The following ABCA13 variants were observed in gnomAD, a reference collection of about 807,000 sequenced individuals.
ABCA13 encodes the protein ATP-binding cassette sub-family A member 13.
ABCA13 carries 476 observed loss-of-function variants against 478.7 expected under a neutral mutation model. That is an observed-to-expected ratio of 0.99 (90% confidence interval 0.92 to 1.07). The LOEUF is 1.07. ABCA13 is among the 50% of genes least tolerant of loss of function. The pLI, the probability that ABCA13 is intolerant of heterozygous loss-of-function variation, is 0.00. For synonymous variants in ABCA13, 2,252 were observed against 2,158.9 expected (o/e 1.04, Z -1.20); for missense variants, 6,060 against 5,910.6 (o/e 1.03, Z -0.83).
chr7:48,521,856 T>C (rs1036472028), intron 53 of ABCA13, among the ~76,000 whole-genome samples: 7 of 152,202 alleles, frequency 4.6e-5, no homozygotes, highest in African/African-American at 1.7e-4. Context: ...ACTAGTTGCC[T>C]ACTACCATTT....
intron 48 of ABCA13, among the ~76,000 whole-genome samples, chr7:48,492,562 A>G (rs575828229): frequency 6.6e-6 from 1 of 152,270 alleles, no homozygotes; most frequent in East Asian, 1.9e-4. Flanking sequence ...CCGCAGTGTA[A>G]CAGTGTTGGG....
In ABCA13 at chr7:48,352,181, G is replaced by A. The variant is rs775208364; in HGVS notation, c.10382G>A (p.Ser3461Asn). ...TTCGTTTTTCCTTTTCTGCCACTAG[G>A]TATCATTTTCAGCAATTCCTTATTC... ...ELLQQNSFLA[S>N]IIFSNSLFDK... The change falls in exon 31 of 62, where the codon AGT becomes AAT. Residue 3461 changes from serine (S) to asparagine (N), a missense_variant and splice_region_variant. Ser to Asn is a conservative substitution (Grantham distance 46). Coordinates refer to ENST00000435803, the MANE Select transcript of ABCA13 (RefSeq NM_152701.5). 135 of 1,602,368 alleles carry A rather than the reference G, an allele frequency of 8.4e-5. No individual in the cohort carries two copies. Among genetic ancestry groups the A allele is most frequent in the Non-Finnish European group, 1.0e-4 (122 of 1,171,412 alleles).
At chr7:48,232,518 T>C (rs949691456) in intron 7 of ABCA13, among the ~76,000 whole-genome samples, 1 of 152,186 alleles carries the variant, frequency 6.6e-6, no homozygotes, top group African/African-American at 2.4e-5. Context: ...ATTGTCTTCA[T>C]GTCTCTTGTC....
In ABCA13 at chr7:48,416,863, G is replaced by A. The variant is rs1170288479; in HGVS notation, c.12459+4280G>A. ...TCCCTACAGAGCTCGGGCCTGTTAAGAGCTTGCTGTACTTCAGTCCTTCCA... is the reference window on the plus strand; with the variant it reads ...TCCCTACAGAGCTCGGGCCTGTTAAAAGCTTGCTGTACTTCAGTCCTTCCA... On this transcript the variant is annotated intron_variant, in intron 41 of 61. Transcript: ENST00000435803. 5.3e-5 allele frequency among the ~76,000 whole-genome samples: 8 copies of A among 151,654 alleles called. No homozygotes were observed. In the East Asian group the frequency reaches 1.2e-3, roughly 22 times the overall value.
At chr7:48,219,740 C>G (rs1440191790) in intron 4 of ABCA13, among the ~76,000 whole-genome samples, 2 of 152,170 alleles carry the variant, frequency 1.3e-5, no homozygotes, top group African/African-American at 4.8e-5. Flanking sequence ...ACTGCATAAC[C>G]TTCAGAGGGC....
rs1413825367 is a variant in ABCA13, at chr7:48,272,866, A to AGCT, written c.3204_3206dup (p.Leu1069dup). The AGCT allele has an allele frequency of 6.2e-7, 1 of 1,607,614 alleles. No homozygotes were observed. Among genetic ancestry groups the AGCT allele is most frequent in the East Asian group, 2.2e-5 (1 of 44,708 alleles). ...CACACTACTTTGACAGGCCTCAAAC[A>AGCT]GCTGCTCATAATTGATGAAGATTTT... On this transcript the variant is annotated inframe_insertion, in exon 17 of 62. Transcript: ENST00000435803.
At chr7:48,525,053 C>G (rs891075150) in intron 54 of ABCA13, among the ~76,000 whole-genome samples, 1 of 152,156 alleles carries the variant, frequency 6.6e-6, no homozygotes, top group Non-Finnish European at 1.5e-5. Context: ...CGGTTCCCAG[C>G]TCCTGAGAAA....
intron 39 of ABCA13, among the ~76,000 whole-genome samples, chr7:48,407,307 C>T (rs1377323824): frequency 6.6e-6 from 1 of 151,758 alleles, no homozygotes; most frequent in African/African-American, 2.4e-5. Context: ...AACCCTGTCT[C>T]TACTAAAAAT....
intron 53 of ABCA13, 27 bp from the exon 54 acceptor site, chr7:48,524,221 G>A: frequency 6.3e-7 from 1 of 1,597,078 alleles, no homozygotes; most frequent in Non-Finnish European, 8.5e-7. Context: ...TGCTAGGTGT[G>A]AATTCACTCT....
intron 43 of ABCA13, among the ~76,000 whole-genome samples, chr7:48,457,996 T>A (rs1356257613): frequency 6.6e-6 from 1 of 152,216 alleles, no homozygotes; most frequent in Non-Finnish European, 1.5e-5. Context: ...CATCATTTGA[T>A]CATTTTATGG....
At chr7:48,563,969 ACT>A (rs920746473) in intron 55 of ABCA13, among the ~76,000 whole-genome samples, 3 of 151,966 alleles carry the variant, frequency 2.0e-5, no homozygotes, top group Non-Finnish European at 4.4e-5. Flanking sequence ...GACTATATTA[ACT>A]CTTCAGTATA....
At chr7:48,454,624 C>G (rs984364410) in intron 42 of ABCA13, among the ~76,000 whole-genome samples, 5 of 152,134 alleles carry the variant, frequency 3.3e-5, no homozygotes, top group African/African-American at 4.8e-5. Flanking sequence ...TGAGGAAAAG[C>G]AGGCCGTGGG....
At chr7:48,556,537 C>T (rs139476317) in intron 55 of ABCA13, among the ~76,000 whole-genome samples, 29 of 151,864 alleles carry the variant, frequency 1.9e-4, no homozygotes, top group African/African-American at 6.7e-4. Flanking sequence ...CTGAATTGAC[C>T]CTTTTATCGT....
At position 48,314,448 on chromosome 7, in the gene ABCA13, G is replaced by A. The variant is rs372997294; in HGVS notation, c.9859+39G>A. On this transcript the variant is annotated intron_variant, in intron 26 of 61. Transcript: ENST00000435803. ...AATATATATATATGTGTTTAGATTCGTTTGTATCTTGATAATTGGCCTTAA... is the reference window on the plus strand; with the variant it reads ...AATATATATATATGTGTTTAGATTCATTTGTATCTTGATAATTGGCCTTAA... 2.3e-4 allele frequency: 342 copies of A among 1,472,790 alleles called. 1 individual carries two copies. Among genetic ancestry groups the A allele is most frequent in the African/African-American group, 3.4e-4 (24 of 70,162 alleles). The allele number at this position is 1,472,790 out of a possible 1,614,324, so 91.2% of individuals were successfully genotyped here.
At chr7:48,412,994 G>A (rs1476810251) in intron 41 of ABCA13, among the ~76,000 whole-genome samples, 1 of 151,580 alleles carries the variant, frequency 6.6e-6, no homozygotes, top group African/African-American at 2.4e-5. Context: ...TGTATTTTTA[G>A]TAGAGATGGG....
intron 27 of ABCA13, among the ~76,000 whole-genome samples, chr7:48,330,678 C>CATCT (rs972005213): frequency 1.3e-5 from 2 of 150,850 alleles, no homozygotes; most frequent in African/African-American, 4.9e-5. Flanking sequence ...ACCATCGATT[C>CATCT]ATCTATCTAT....
At position 48,338,386 on chromosome 7, in the gene ABCA13, G is replaced by A. The variant is rs747137651; in HGVS notation, c.10135G>A (p.Val3379Ile). 14 of 1,599,178 alleles carry A rather than the reference G, an allele frequency of 8.8e-6. No homozygotes were observed. In the East Asian group the frequency reaches 1.4e-4, roughly 15 times the overall value. ...TTAGGAGGCCCTGAGAAACAAATTT[G>A]TAAGAAACTTTGTAGAAAACCAGTT... is the stretch of plus-strand genomic sequence containing the variant. ...QLQEALRNKF[V>I]RNFVENQLHI... is the part of the protein sequence containing the mutation. Residue 3379 changes from valine to isoleucine, a missense_variant, in exon 29 of 62, where the codon GTA becomes ATA. Coordinates refer to ENST00000435803, the MANE Select transcript of ABCA13 (RefSeq NM_152701.5).
intron 1 of ABCA13, among the ~76,000 whole-genome samples, chr7:48,185,862 G>A (rs1046670286): frequency 6.6e-6 from 1 of 151,776 alleles, no homozygotes; most frequent in African/African-American, 2.4e-5. Context: ...TATATATTTT[G>A]AGGTTAAATG....
intron 27 of ABCA13, among the ~76,000 whole-genome samples, chr7:48,332,853 G>A (rs940286222): frequency 3.9e-5 from 6 of 152,116 alleles, no homozygotes; most frequent in African/African-American, 1.4e-4. Context: ...TGGTTCTCTG[G>A]CTGCTTTAAA....
Sources: gnomAD v4.1 joint callset for allele counts (sites outside exome capture counted in the v4.1 genomes callset) on GRCh38, gnomAD v4.1.1 for gene constraint, MANE v1.5 for transcripts, NCBI Gene and HGNC (gene_info 2026-07-23, HGNC 2026-07-21) for gene names.